The following VSIG1 variants were observed in gnomAD, a reference collection of about 807,000 sequenced individuals.
VSIG1 encodes the protein V-set and immunoglobulin domain containing 1.
A neutral mutation model predicts 20.1 loss-of-function variants in VSIG1; 11 were observed. The observed-to-expected ratio is 0.55, with a 90% CI of 0.34 to 0.91. VSIG1 has a LOEUF of 0.91. VSIG1 is among the 40% of genes least tolerant of loss of function. The pLI, the probability that VSIG1 is intolerant of heterozygous loss-of-function variation, is 0.02. For missense variants in VSIG1, 283 were observed against 298.8 expected, an observed-to-expected ratio of 0.95 and a Z score of 0.39; for synonymous variants, 126 against 116.7, an observed-to-expected ratio of 1.08 and a Z score of -0.52.
upstream of VSIG1, among the ~76,000 whole-genome samples, chrX:108,040,823 A>G (rs769648778): frequency 3.6e-5 from 4 of 111,524 alleles, no homozygotes; most frequent in South Asian, 1.5e-3. Flanking sequence ...ATTATAGAAC[A>G]AAATGTACAG....
At position 108,077,304 on chromosome X, in the gene VSIG1, G is replaced by C; in HGVS notation, c.1087G>C (p.Glu363Gln). 1 of 1,212,001 alleles carries C rather than the reference G, an allele frequency of 8.3e-7. No individual in the cohort carries two copies. The highest frequency in any genetic ancestry group is 1.1e-6 in the Non-Finnish European group (1 of 895,597). ...ETQSELEPEP[E>Q]PEPESEPGVV... ...GCAGTCGGAATTGGAGCCAGAGCCA[G>C]AGCCAGAGCCAGAGTCAGAGCCTGG... The change falls in exon 7 of 7, where the codon GAG becomes CAG. Residue 363 changes from glutamate to glutamine, a missense_variant. Physicochemically the swap from Glu to Gln is conservative, Grantham distance 29. Coordinates refer to ENST00000217957, the MANE Select transcript of VSIG1 (RefSeq NM_182607.5).
At chrX:108,057,510 T>G (rs756730222) in intron 1 of VSIG1, among the ~76,000 whole-genome samples, 28 of 112,420 alleles carry the variant, frequency 2.5e-4, no homozygotes, top group Admixed American at 1.4e-3. Context: ...GGGAACTGGG[T>G]AAAGTGTACA....
intron 2 of VSIG1, among the ~76,000 whole-genome samples, chrX:108,060,576 G>T (rs2030999023): frequency 9.0e-6 from 1 of 111,445 alleles, no homozygotes; most frequent in African/African-American, 3.3e-5. Context: ...TATCCTGCTG[G>T]CATGGGCTTC....
intron 2 of VSIG1, among the ~76,000 whole-genome samples, chrX:108,058,987 T>C (rs1336237333): frequency 8.9e-6 from 1 of 111,739 alleles, no homozygotes; most frequent in Non-Finnish European, 1.9e-5. Flanking sequence ...TGTTTGTGTG[T>C]TCATGCACAT....
the VSIG1 span, among the ~76,000 whole-genome samples, chrX:108,018,899 G>A: frequency 2.7e-5 from 3 of 111,696 alleles, no homozygotes; most frequent in Non-Finnish European, 3.8e-5. Context: ...TTGGGCCCTC[G>A]TGGTGGTAAC....
chrX:108,040,729 A>G (rs905709069), upstream of VSIG1, among the ~76,000 whole-genome samples: 1 of 112,269 alleles, frequency 8.9e-6, no homozygotes, highest in African/African-American at 3.2e-5. Flanking sequence ...CAGCCTTAAC[A>G]TGGACAAGGT....
chrX:108,065,971 C>T (rs1164237930), intron 2 of VSIG1, among the ~76,000 whole-genome samples: 1 of 111,174 alleles, frequency 9.0e-6, no homozygotes, highest in Non-Finnish European at 1.9e-5. Context: ...GACTAGAGGC[C>T]ACCTCCCCTA....
chrX:108,040,965 G>A (rs1254866900), upstream of VSIG1, among the ~76,000 whole-genome samples: 1 of 108,978 alleles, frequency 9.2e-6, no homozygotes, highest in African/African-American at 3.3e-5. Context: ...GATTACATGT[G>A]TGAGTGAATG....
chrX:108,047,085 A>T (rs777699720), intron 1 of VSIG1, among the ~76,000 whole-genome samples: 2 of 111,631 alleles, frequency 1.8e-5, no homozygotes, highest in African/African-American at 6.5e-5. Context: ...GACAACTGAT[A>T]GTGTTTCCAT....
At chrX:108,060,803 C>T (rs1003409351) in intron 2 of VSIG1, among the ~76,000 whole-genome samples, 4 of 112,405 alleles carry the variant, frequency 3.6e-5, no homozygotes, top group Non-Finnish European at 3.8e-5. Flanking sequence ...TGAAGCACTA[C>T]GAAGCCTTCT....
intron 1 of VSIG1, among the ~76,000 whole-genome samples, chrX:108,052,494 T>TA (rs1237356592): frequency 3.6e-5 from 4 of 110,571 alleles, no homozygotes; most frequent in Non-Finnish European, 3.8e-5. Flanking sequence ...CATGTGCCTG[T>TA]GGTCCTAGCT....
At chrX:108,046,209 A>G (rs918889394) in intron 1 of VSIG1, among the ~76,000 whole-genome samples, 1 of 112,050 alleles carries the variant, frequency 8.9e-6, no homozygotes, top group Non-Finnish European at 1.9e-5. Context: ...AAGTGATCTC[A>G]TGTTTAGAAA....
the VSIG1 span, among the ~76,000 whole-genome samples, chrX:108,036,673 A>G: frequency 8.9e-6 from 1 of 111,856 alleles, no homozygotes; most frequent in African/African-American, 3.3e-5. Flanking sequence ...GATATTCCAA[A>G]TTCAAGATGA....
chrX:108,071,703 A>G (rs1015756308), intron 3 of VSIG1, among the ~76,000 whole-genome samples: 1 of 110,259 alleles, frequency 9.1e-6, no homozygotes, highest in East Asian at 2.9e-4. Flanking sequence ...TGTGAAAGTT[A>G]CTTTTGAATT....
At chrX:108,050,990 C>A (rs1200320154) in intron 1 of VSIG1, among the ~76,000 whole-genome samples, 1 of 111,143 alleles carries the variant, frequency 9.0e-6, no homozygotes, top group South Asian at 3.9e-4. Context: ...TGATACCCAA[C>A]TGAACAACAG....
At chrX:108,047,985 T>TACAC (rs2030693199) in intron 1 of VSIG1, among the ~76,000 whole-genome samples, 3 of 71,880 alleles carry the variant, frequency 4.2e-5, no homozygotes, top group Non-Finnish European at 7.4e-5. Context: ...TATATATATA[T>TACAC]ATATATATAT....
upstream of VSIG1, among the ~76,000 whole-genome samples, chrX:108,043,819 A>G (rs185338102): frequency 5.0e-4 from 56 of 112,219 alleles, no homozygotes; most frequent in African/African-American, 1.8e-3. Context: ...CATAAAACAT[A>G]TCACTTGAAA....
upstream of VSIG1, chrX:108,044,859 A>C (rs1044714852): frequency 1.6e-5 from 4 of 252,079 alleles, no homozygotes; most frequent in African/African-American, 1.1e-4. Context: ...TCTGTGTACA[A>C]GGAGCTTGAA....
intron 1 of VSIG1, among the ~76,000 whole-genome samples, chrX:108,052,325 G>A (rs2030801539): frequency 1.8e-5 from 2 of 111,775 alleles, no homozygotes; most frequent in Admixed American, 1.9e-4. Flanking sequence ...TAGGCCAGAT[G>A]TGGTGGCTCA....
Sources: allele counts gnomAD v4.1 joint callset (sites outside exome capture counted in the v4.1 genomes callset), GRCh38; gene constraint gnomAD v4.1.1; transcripts MANE v1.5; gene names NCBI Gene and HGNC (gene_info 2026-07-23, HGNC 2026-07-21).